SERPINF2: variants seen among roughly 807,000 people sequenced by gnomAD.
SERPINF2 encodes the protein serpin family F member 2, also known as alpha-2-antiplasmin.
Under a neutral mutation model 45.0 loss-of-function variants are expected in SERPINF2, and 15 were observed. The ratio of observed to expected loss-of-function variants is 0.33; its 90% confidence interval spans 0.22 to 0.51. SERPINF2 has a LOEUF of 0.51. SERPINF2 is among the 20% of genes least tolerant of loss of function. The probability of loss-of-function intolerance (pLI) is 0.97; values close to 1 mark genes in which losing one functional copy is unlikely to be tolerated. For synonymous variants in SERPINF2, 283 were observed against 277.9 expected, an observed-to-expected ratio of 1.02 and a Z score of -0.18; for missense variants, 518 against 637.4, an observed-to-expected ratio of 0.81 and a Z score of 2.02.
chr17:1,744,880 C>T, intron 1 of SERPINF2, 112 bp from the exon 2 acceptor site: 1 of 1,580,660 alleles, frequency 6.3e-7, no homozygotes. Flanking sequence ...CCTGCTTCTT[C>T]CCCTTGGCAA....
At chr17:1,744,632 C>G (rs984775601) in intron 1 of SERPINF2, 86 of 985,328 alleles carry the variant, frequency 8.7e-5, no homozygotes, top group Non-Finnish European at 1.0e-4. Flanking sequence ...TGCCGAGGTC[C>G]TTTGGCAAGA....
chr17:1,747,387 A>G lies in SERPINF2; in HGVS notation c.590A>G (p.Gln197Arg). 1 of 1,614,210 alleles carries G rather than the reference A, an allele frequency of 6.2e-7. No individual in the cohort carries two copies. Among genetic ancestry groups the G allele is most frequent in the Non-Finnish European group, 8.5e-7 (1 of 1,180,044 alleles). The change falls in exon 7 of 10, where the codon CAG (glutamine) becomes CGG (arginine). Residue 197 changes from glutamine (Q) to arginine (R), a missense_variant. Gln to Arg is a conservative substitution (Grantham distance 43). This residue lies in a region of SERPINF2 where 435 missense variants were observed against 577.3 expected (regional missense o/e 0.75). Coordinates refer to ENST00000453066, the MANE Select transcript of SERPINF2 (RefSeq NM_000934.4). The part of the protein sequence containing the change: ...GAKPVSLTGK[Q>R]EDDLANINQW... ...AAGCCCGTGAGCCTGACGGGAAAGC[A>G]GGAAGATGACCTGGCAAACATCAAC...
chr17:1,754,677 G>GGGGT lies in SERPINF2; in HGVS notation c.*143_*144insGGGT. The GGGGT allele has an allele frequency of 4.3e-6, 1 of 233,498 alleles. No individual in the cohort carries two copies. The highest frequency in any genetic ancestry group is 8.0e-6 in the Non-Finnish European group (1 of 125,560). 14.5% of individuals were successfully genotyped at this position (233,498 alleles called of 1,614,324 possible). ...ATTCTTTCCCAACACCTCTTGGGGAGTTTAGGGTGGGGGGGGGGCGCGGCT... is the reference window on the plus strand; with the variant it reads ...ATTCTTTCCCAACACCTCTTGGGGAGGGGTTTTAGGGTGGGGGGGGGGCGCGGCT... On this transcript the variant is annotated 3_prime_UTR_variant, in exon 10 of 10. Coordinates refer to ENST00000453066, the MANE Select transcript of SERPINF2 (RefSeq NM_000934.4).
chr17:1,748,516 C>T, intron 7 of SERPINF2, 82 bp from the exon 8 acceptor site: 2 of 1,570,832 alleles, frequency 1.3e-6, no homozygotes, highest in East Asian at 4.5e-5. Flanking sequence ...AGAGCCCAAG[C>T]TGGTCCCCAT....
Position 1,748,675 on chromosome 17 carries a change from G to A in SERPINF2, c.793G>A (p.Val265Met), listed in dbSNP as rs1906097678. The change falls in exon 8 of 10, where the codon GTG becomes ATG. Residue 265 changes from valine (V) to methionine (M), a missense_variant. Around this residue, in one of 2 missense-constraint regions of SERPINF2, gnomAD observed 435 missense variants for 577.3 expected, o/e 0.75. Coordinates refer to ENST00000453066, the MANE Select transcript of SERPINF2 (RefSeq NM_000934.4). ...CCTGGACGAGCAGTTCACGGTGCCC[G>A]TGGAAATGATGCAGGCCCGCACGTA... The part of the protein sequence containing the change: ...FHLDEQFTVP[V>M]EMMQARTYPL... 2 of 1,610,330 alleles carry A rather than the reference G, an allele frequency of 1.2e-6. No homozygotes were observed. Among genetic ancestry groups the A allele is most frequent in the Non-Finnish European group, 8.5e-7 (1 of 1,176,582 alleles).
intron 9 of SERPINF2, among the ~76,000 whole-genome samples, chr17:1,753,725 T>C (rs1247391473): frequency 6.6e-6 from 1 of 152,122 alleles, no homozygotes; most frequent in African/African-American, 2.4e-5. Context: ...AAATAAAGCA[T>C]CTATCCTTCA....
In SERPINF2 at chr17:1,754,751, T is replaced by G; in HGVS notation, c.*217T>G. On this transcript the variant is annotated 3_prime_UTR_variant, in exon 10 of 10. Transcript: ENST00000453066. ...GCCGGGAGCCTGACCCTCATCTTTC[T>G]TCCAAACAGGCTCAGAGGGTGTCCT... 1.5e-5 allele frequency: 9 copies of G among 609,984 alleles called. No homozygotes were observed. The highest frequency in any genetic ancestry group is 1.1e-5 in the Non-Finnish European group (4 of 355,490). 37.8% of individuals were successfully genotyped at this position (609,984 alleles called of 1,614,324 possible). A position where few individuals can be genotyped will look rare whatever the true frequency, so the allele number is the denominator to read the frequency against.
Position 1,745,973 on chromosome 17 carries a change from A to T in SERPINF2, c.367+64A>T, listed in dbSNP as rs7501729. On this transcript the variant is annotated intron_variant, in intron 5 of 9. Transcript: ENST00000453066. The surrounding 1 kb of genome is among the most constrained non-coding windows in gnomAD (Gnocchi z 6.2). ...AGGCCAGTAGGAACTCAGTACTCCAATGGTTCTCCGCGGGCGGTTCCTCCA... is the reference window on the plus strand; with the variant it reads ...AGGCCAGTAGGAACTCAGTACTCCATTGGTTCTCCGCGGGCGGTTCCTCCA... 50 of 1,556,442 alleles carry T rather than the reference A, an allele frequency of 3.2e-5. No homozygotes were observed. Among genetic ancestry groups the T allele is most frequent in the Non-Finnish European group, 4.1e-5 (46 of 1,128,082 alleles).
At chr17:1,749,771 C>A (rs1234713232) in intron 8 of SERPINF2, among the ~76,000 whole-genome samples, 5 of 151,954 alleles carry the variant, frequency 3.3e-5, no homozygotes, top group Non-Finnish European at 5.9e-5. Flanking sequence ...CTCAGGTGAC[C>A]GTTGTTGATA....
intron 5 of SERPINF2, 146 bp downstream of exon 5, chr17:1,746,055 C>T (rs561071483): frequency 2.2e-6 from 2 of 918,336 alleles, no homozygotes; most frequent in Admixed American, 1.9e-5. Flanking sequence ...GGCGGTGGCT[C>T]ACGCCTGTAA....
chr17:1,754,531 G>A lies in SERPINF2; in HGVS notation c.1473G>A (p.Lys491=). ...ATTACCCCCAGTTTGGCAGCCCCAA[G>A]TGAGGGGCCGTGGCTGTGGCATCCA... ...EEDYPQFGSP[K] The change falls in exon 10 of 10, where the codon AAG becomes AAA. Residue 491 remains lysine, a synonymous_variant. Transcript: ENST00000453066. 6.2e-7 allele frequency: 1 copy of A among 1,607,320 alleles called. No homozygotes were observed. The highest frequency in any genetic ancestry group is 8.5e-7 in the Non-Finnish European group (1 of 1,179,276).
chr17:1,745,142 G>T lies in SERPINF2; in HGVS notation c.64-33G>T, dbSNP rs769466657. ...GCATGGAGGGAGGGCTTGGCTCCGA[G>T]GGGACCTCCTATCCTCATCCCTTTC... On this transcript the variant is annotated intron_variant, in intron 2 of 9. Coordinates refer to ENST00000453066, the MANE Select transcript of SERPINF2 (RefSeq NM_000934.4). The surrounding 1 kb of genome is among the most constrained non-coding windows in gnomAD (Gnocchi z 6.2). 1 of 1,588,462 alleles carries T rather than the reference G, an allele frequency of 6.3e-7. No homozygotes were observed.
intron 7 of SERPINF2, 86 bp from the exon 8 acceptor site, chr17:1,748,512 C>G (rs1906076938): frequency 2.4e-5 from 37 of 1,567,454 alleles, no homozygotes; most frequent in Middle Eastern, 3.3e-4. Context: ...GTGCAGAGCC[C>G]AAGCTGGTCC....
chr17:1,751,685 C>T lies in SERPINF2; in HGVS notation c.859-901C>T, dbSNP rs1337858367. 1.4e-5 allele frequency among the ~76,000 whole-genome samples: 2 copies of T among 138,234 alleles called. 1 individual carries two copies. The highest frequency in any genetic ancestry group is 4.9e-5 in the African/African-American group (2 of 40,692). The allele number at this position is 138,234 out of a possible 152,430, so 90.7% of individuals were successfully genotyped here. A position where few individuals can be genotyped will look rare whatever the true frequency, so the allele number is the denominator to read the frequency against. ...AGAAGAATGGCGTGAATCCACGAGG[C>T]GGAGGTTGCGGTGAGCCGAGATTGC... On this transcript the variant is annotated intron_variant, in intron 8 of 9. Coordinates refer to ENST00000453066, the MANE Select transcript of SERPINF2 (RefSeq NM_000934.4).
chr17:1,749,855 T>G (rs1906202589), intron 8 of SERPINF2, among the ~76,000 whole-genome samples: 2 of 151,828 alleles, frequency 1.3e-5, no homozygotes, highest in Non-Finnish European at 2.9e-5. Context: ...CCACTCAGGG[T>G]CTCTGCAGCC....
intron 1 of SERPINF2, 48 bp from the exon 2 acceptor site, chr17:1,744,944 G>A (rs373510687): frequency 1.4e-5 from 23 of 1,612,146 alleles, no homozygotes; most frequent in East Asian, 6.7e-5. Context: ...ATTCCCTGGC[G>A]GGCGTGGGGA....
At chr17:1,743,108 G>T (rs1597317800) in intron 1 of SERPINF2, 200 bp downstream of exon 1, 1 of 985,168 alleles carries the variant, frequency 1.0e-6, no homozygotes, top group African/African-American at 1.7e-5. Flanking sequence ...AAGGGCTCTT[G>T]TGTGGGATGG....
chr17:1,750,028 C>G (rs1906227577), intron 8 of SERPINF2, among the ~76,000 whole-genome samples: 1 of 151,578 alleles, frequency 6.6e-6, no homozygotes, highest in Non-Finnish European at 1.5e-5. Context: ...GGCTGGAGTG[C>G]AGTGGCACGA....
In SERPINF2 at chr17:1,749,482, C is replaced by A. The variant is rs1906167608; in HGVS notation, c.858+742C>A. On this transcript the variant is annotated intron_variant, in intron 8 of 9. Transcript: ENST00000453066. Reference sequence around the variant, plus strand: ...CCATGGTGGCGGGCGCCTGTAATCCCAGATACTCTGGAGGCTGAGGCAGGA... The same window carrying A: ...CCATGGTGGCGGGCGCCTGTAATCCAAGATACTCTGGAGGCTGAGGCAGGA... 2.0e-5 allele frequency among the ~76,000 whole-genome samples: 3 copies of A among 152,222 alleles called. No homozygotes were observed. The South Asian group carries it at 6.2e-4, about 31-fold the overall frequency.
Sources: gnomAD v4.1 joint callset for allele counts (sites outside exome capture counted in the v4.1 genomes callset) on GRCh38, gnomAD v4.1.1 for gene constraint, gnomAD v4.1.1 regional missense constraint, Gnocchi (gnomAD v3.1) non-coding constraint, MANE v1.5 for transcripts, NCBI Gene and HGNC (gene_info 2026-07-23, HGNC 2026-07-21) for gene names.